PTPN22: variants seen among roughly 807,000 people sequenced by gnomAD.
PTPN22 encodes the protein protein tyrosine phosphatase non-receptor type 22, also known as tyrosine-protein phosphatase non-receptor type 22.
A neutral mutation model predicts 103.3 loss-of-function variants in PTPN22; 85 were observed. That is an observed-to-expected ratio of 0.82 (90% CI 0.69 to 0.99). The LOEUF (loss-of-function observed/expected upper bound fraction) is 0.99, where lower values mean the gene tolerates loss of function less well. PTPN22 is among the 50% of genes least tolerant of loss of function. PTPN22 has a pLI of 0.00. For missense variants in PTPN22, 865 were observed against 936.9 expected (o/e 0.92, Z 1.00); for synonymous variants, 323 against 310.2 (o/e 1.04, Z -0.43).
chr1:113,841,351 A>G (rs1663530881), intron 11 of PTPN22, among the ~76,000 whole-genome samples: 1 of 152,212 alleles, frequency 6.6e-6, no homozygotes, highest in South Asian at 2.1e-4. Context: ...GAAAATGGGC[A>G]AGCTTCATGA....
chr1:113,815,031 G>A, intron 20 of PTPN22, 62 bp from the exon 21 acceptor site: 1 of 1,161,784 alleles, frequency 8.6e-7, no homozygotes, highest in Non-Finnish European at 1.3e-6. Flanking sequence ...ATGAATACTT[G>A]GATTTTAGAG....
intron 20 of PTPN22, among the ~76,000 whole-genome samples, chr1:113,817,367 A>T (rs1388768267): frequency 5.3e-5 from 8 of 152,200 alleles, no homozygotes; most frequent in Non-Finnish European, 1.2e-4. Context: ...AAATTTTTTC[A>T]TTCAGATTTA....
chr1:113,865,374 G>GA (rs568008429), intron 1 of PTPN22, among the ~76,000 whole-genome samples: 5 of 151,240 alleles, frequency 3.3e-5, no homozygotes, highest in Admixed American at 6.6e-5. Flanking sequence ...AAGAGGCTTT[G>GA]AAAAAAAACA....
At chr1:113,869,646 C>T (rs1387880415) in intron 1 of PTPN22, among the ~76,000 whole-genome samples, 1 of 152,110 alleles carries the variant, frequency 6.6e-6, no homozygotes, top group Non-Finnish European at 1.5e-5. Context: ...CCACCCGCCT[C>T]GGCCTCCCAA....
chr1:113,844,181 G>C (rs553170328), intron 11 of PTPN22, among the ~76,000 whole-genome samples: 1 of 152,122 alleles, frequency 6.6e-6, no homozygotes, highest in Non-Finnish European at 1.5e-5. Context: ...AAAAAACCAG[G>C]CTGGATGCCT....
chr1:113,856,209 G>A (rs1273426350), intron 7 of PTPN22, among the ~76,000 whole-genome samples, 173 bp downstream of exon 7: 1 of 152,084 alleles, frequency 6.6e-6, no homozygotes, highest in African/African-American at 2.4e-5. Context: ...GTAGAGACAG[G>A]TTTTTGCCAT....
intron 3 of PTPN22, 124 bp downstream of exon 3, chr1:113,858,878 A>T (rs1665316805): frequency 6.9e-7 from 1 of 1,442,454 alleles, no homozygotes. Context: ...CGTTCAAGTG[A>T]TCTTTCCGCC....
At chr1:113,838,372 C>T in exon 13 of PTPN22, 2 of 1,594,002 alleles carry the variant, frequency 1.3e-6, no homozygotes, top group South Asian at 2.3e-5. Flanking sequence ...CATTTTTGTC[C>T]TTTGTTGGTT....
intron 11 of PTPN22, among the ~76,000 whole-genome samples, chr1:113,846,026 C>T (rs1022897479): frequency 3.9e-5 from 6 of 152,100 alleles, no homozygotes; most frequent in African/African-American, 1.4e-4. Context: ...AAGTGAGTTT[C>T]TCATAGACAA....
chr1:113,870,892 G>C (rs1476645910), intron 1 of PTPN22, among the ~76,000 whole-genome samples: 1 of 152,068 alleles, frequency 6.6e-6, no homozygotes, highest in Non-Finnish European at 1.5e-5. Context: ...AATTAGCCAG[G>C]CATGGCGATA....
chr1:113,821,323 T>C (rs963478153), intron 19 of PTPN22, among the ~76,000 whole-genome samples: 1 of 151,936 alleles, frequency 6.6e-6, no homozygotes, highest in Non-Finnish European at 1.5e-5. Flanking sequence ...TTTTGTTTGT[T>C]TGTTTTGGGG....
intron 11 of PTPN22, among the ~76,000 whole-genome samples, chr1:113,839,219 C>T (rs529563434): frequency 6.6e-6 from 1 of 152,244 alleles, no homozygotes; most frequent in African/African-American, 2.4e-5. Flanking sequence ...CCTAAAATCA[C>T]ATTTCTTCCC....
intron 19 of PTPN22, among the ~76,000 whole-genome samples, chr1:113,820,080 A>G (rs1661462620): frequency 6.6e-6 from 1 of 151,740 alleles, no homozygotes; most frequent in African/African-American, 2.4e-5. Context: ...TTTTATTTGT[A>G]TTATATAATC....
chr1:113,867,511 T>C (rs1162838102), intron 1 of PTPN22, among the ~76,000 whole-genome samples: 6 of 152,216 alleles, frequency 3.9e-5, no homozygotes, highest in Non-Finnish European at 7.3e-5. Flanking sequence ...TGATGTTTCC[T>C]TGACCACCTC....
chr1:113,819,586 G>A, exon 20 of PTPN22: 1 of 1,603,512 alleles, frequency 6.2e-7, no homozygotes, highest in Non-Finnish European at 8.5e-7. Context: ...CCAAAATTCA[G>A]AAATGAGCTG....
intron 20 of PTPN22, chr1:113,815,525 CA>C (rs1379131502): frequency 1.3e-5 from 2 of 152,156 alleles, no homozygotes; most frequent in African/African-American, 4.8e-5. Flanking sequence ...CCCCCTACCC[CA>C]CCCCAAAGAA....
exon 11 of PTPN22, chr1:113,848,557 TATCTCTGATAAC>T (rs1475119335): frequency 6.2e-7 from 1 of 1,613,462 alleles, no homozygotes; most frequent in African/African-American, 1.3e-5. Flanking sequence ...CCAGAATGTT[TATCTCTGATAAC>T]ATCCATCTGT....
At chr1:113,816,855 G>A (rs991017252) in intron 20 of PTPN22, among the ~76,000 whole-genome samples, 1 of 152,188 alleles carries the variant, frequency 6.6e-6, no homozygotes, top group Non-Finnish European at 1.5e-5. Context: ...GTTACAGTGA[G>A]CTGAGATCGT....
At chr1:113,864,911 CAAA>C (rs1386880512) in intron 1 of PTPN22, among the ~76,000 whole-genome samples, 2 of 101,774 alleles carry the variant, frequency 2.0e-5, no homozygotes, top group Non-Finnish European at 2.1e-5. Flanking sequence ...GACTCCGTCT[CAAA>C]AAAAAAAAAA....
Sources: gnomAD v4.1 joint callset for allele counts (sites outside exome capture counted in the v4.1 genomes callset) on GRCh38, gnomAD v4.1.1 for gene constraint, MANE v1.5 for transcripts, NCBI Gene and HGNC (gene_info 2026-07-23, HGNC 2026-07-21) for gene names.